Variants in ARHGAP26 observed in about 807,000 individuals in gnomAD.
The protein encoded by ARHGAP26 is rho GTPase-activating protein 26.
Under a neutral mutation model 104.8 loss-of-function variants are expected in ARHGAP26, and 38 were observed. The ratio of observed to expected loss-of-function variants is 0.36; its 90% confidence interval spans 0.28 to 0.48. The LOEUF (loss-of-function observed/expected upper bound fraction) is 0.48, where lower values mean the gene tolerates loss of function less well. Among genes scored for constraint, ARHGAP26 ranks in the 20% least tolerant of loss-of-function variants. The pLI is 0.99. For synonymous variants in ARHGAP26, 341 were observed against 340.0 expected (o/e 1.00, Z -0.03); for missense variants, 704 against 947.9 (o/e 0.74, Z 3.38).
At chr5:143,051,251 G>A (rs977523694) in intron 14 of ARHGAP26, among the ~76,000 whole-genome samples, 5 of 152,060 alleles carry the variant, frequency 3.3e-5, no homozygotes, top group Non-Finnish European at 2.9e-5. Flanking sequence ...ATGGCCCTTG[G>A]GACTGATCCA....
At chr5:142,828,726 A>G (rs1040833502) in intron 1 of ARHGAP26, among the ~76,000 whole-genome samples, 3 of 152,120 alleles carry the variant, frequency 2.0e-5, no homozygotes, top group African/African-American at 4.8e-5. Flanking sequence ...AGGGCTTGTC[A>G]TGTAGGGGAT....
chr5:142,845,092 A>G (rs1039570725), intron 1 of ARHGAP26, among the ~76,000 whole-genome samples: 3 of 152,182 alleles, frequency 2.0e-5, no homozygotes, highest in African/African-American at 7.2e-5. Flanking sequence ...CACCAGGAAT[A>G]TCCTGAGGAG....
intron 1 of ARHGAP26, among the ~76,000 whole-genome samples, chr5:142,813,505 A>G (rs1232893825): frequency 1.3e-5 from 2 of 152,204 alleles, no homozygotes; most frequent in Non-Finnish European, 2.9e-5. Flanking sequence ...TTCTAGGGCT[A>G]CCATAACAAG....
chr5:142,834,127 A>G (rs1769078164), intron 1 of ARHGAP26, among the ~76,000 whole-genome samples: 1 of 152,244 alleles, frequency 6.6e-6, no homozygotes, highest in African/African-American at 2.4e-5. Context: ...TTTCTCAAAG[A>G]GATTTGCCAA....
chr5:143,186,198 G>A (rs1181368737), intron 20 of ARHGAP26, among the ~76,000 whole-genome samples: 1 of 152,192 alleles, frequency 6.6e-6, no homozygotes, highest in African/African-American at 2.4e-5. Flanking sequence ...ATATCACCTT[G>A]TAGAGTATTA....
Position 142,889,878 on chromosome 5 carries a change from G to A in ARHGAP26, c.487-4360G>A, listed in dbSNP as rs984730916. 2.0e-5 allele frequency among the ~76,000 whole-genome samples: 3 copies of A among 151,082 alleles called. No homozygotes were observed. The East Asian group carries it at 5.9e-4, about 30-fold the overall frequency. On this transcript the variant is annotated intron_variant, in intron 5 of 22. Coordinates refer to ENST00000645722, the MANE Select transcript of ARHGAP26 (RefSeq NM_001135608.3). ...GGCCTGGCGCGGTGGCTCATGCCTG[G>A]AATCTCAGCACTTTGGGAGGCTGAG...
Position 143,224,471 on chromosome 5 carries a change from G to A in ARHGAP26, c.*2025G>A, listed in dbSNP as rs762421191. On this transcript the variant is annotated 3_prime_UTR_variant, in exon 23 of 23. Coordinates refer to ENST00000645722, the MANE Select transcript of ARHGAP26 (RefSeq NM_001135608.3). ...TTTTTCAAAGAATGCCTACTTAGTA[G>A]TAAGATGAAGCTCAGGATTTAAATA... 1 of 229,122 alleles carries A rather than the reference G, an allele frequency of 4.4e-6. No homozygotes were observed. The highest frequency in any genetic ancestry group is 8.7e-6 in the Non-Finnish European group (1 of 115,566). The allele number at this position is 229,122 out of a possible 1,614,324, so 14.2% of individuals were successfully genotyped here. A position where few individuals can be genotyped will look rare whatever the true frequency, so the allele number is the denominator to read the frequency against.
intron 17 of ARHGAP26, among the ~76,000 whole-genome samples, chr5:143,059,595 C>T (rs1279292001): frequency 6.6e-6 from 1 of 152,184 alleles, no homozygotes; most frequent in Non-Finnish European, 1.5e-5. Context: ...TCAGTCCATC[C>T]TTGTTACTAA....
intron 11 of ARHGAP26, among the ~76,000 whole-genome samples, chr5:142,954,295 T>C (rs913488374): frequency 6.6e-6 from 1 of 152,234 alleles, no homozygotes; most frequent in Non-Finnish European, 1.5e-5. Context: ...TATGCTTGCT[T>C]TCTCTGCTCC....
intron 10 of ARHGAP26, among the ~76,000 whole-genome samples, chr5:142,918,392 C>T (rs1465168071): frequency 2.0e-5 from 3 of 152,232 alleles, no homozygotes; most frequent in African/African-American, 4.8e-5. Flanking sequence ...GGTGATCCGC[C>T]TGCCTCGGCC....
At chr5:142,945,365 C>A (rs1257582456) in intron 11 of ARHGAP26, among the ~76,000 whole-genome samples, 1 of 152,212 alleles carries the variant, frequency 6.6e-6, no homozygotes, top group African/African-American at 2.4e-5. Flanking sequence ...TCTGTTCTGC[C>A]TGCTCTCTTT....
At chr5:143,003,806 T>C (rs1412748864) in intron 11 of ARHGAP26, among the ~76,000 whole-genome samples, 1 of 152,126 alleles carries the variant, frequency 6.6e-6, no homozygotes, top group African/African-American at 2.4e-5. Flanking sequence ...TACTTTGCAA[T>C]GAGAAAGCAG....
intron 1 of ARHGAP26, among the ~76,000 whole-genome samples, chr5:142,812,333 A>G (rs977597621): frequency 6.6e-6 from 1 of 150,528 alleles, no homozygotes; most frequent in African/African-American, 2.4e-5. Context: ...GGCTCACTGC[A>G]TCCTTAAACT....
At chr5:142,927,242 G>A (rs1764042111) in intron 10 of ARHGAP26, among the ~76,000 whole-genome samples, 2 of 151,588 alleles carry the variant, frequency 1.3e-5, no homozygotes, top group East Asian at 3.9e-4. Context: ...ACACAACTGT[G>A]TAACCACCCA....
At chr5:142,925,349 A>G (rs1216752441) in intron 10 of ARHGAP26, among the ~76,000 whole-genome samples, 4 of 152,246 alleles carry the variant, frequency 2.6e-5, no homozygotes, top group Non-Finnish European at 5.9e-5. Context: ...GAAAAAACCA[A>G]GAGCAACATA....
intron 13 of ARHGAP26, among the ~76,000 whole-genome samples, chr5:143,039,746 T>C (rs1425210341): frequency 6.6e-6 from 1 of 151,946 alleles, no homozygotes; most frequent in Non-Finnish European, 1.5e-5. Context: ...GTTCACAGAG[T>C]CTGTAGTAAA....
intron 11 of ARHGAP26, among the ~76,000 whole-genome samples, chr5:142,994,861 A>G (rs1464425956): frequency 1.3e-5 from 2 of 152,244 alleles, no homozygotes; most frequent in Non-Finnish European, 2.9e-5. Context: ...GGCACAGAGA[A>G]ATGTCACAAT....
At chr5:142,838,469 T>C (rs1205557186) in intron 1 of ARHGAP26, among the ~76,000 whole-genome samples, 1 of 152,234 alleles carries the variant, frequency 6.6e-6, no homozygotes, top group Non-Finnish European at 1.5e-5. Context: ...AATGCAGGTA[T>C]GAGGTCAGGT....
chr5:143,039,558 C>T (rs893535136), intron 13 of ARHGAP26, among the ~76,000 whole-genome samples: 3 of 150,980 alleles, frequency 2.0e-5, no homozygotes, highest in African/African-American at 4.9e-5. Flanking sequence ...AAGAAAAGAC[C>T]GAGAATAAAA....
Sources: allele counts gnomAD v4.1 joint callset (sites outside exome capture counted in the v4.1 genomes callset), GRCh38; gene constraint gnomAD v4.1.1; transcripts MANE v1.5; gene names NCBI Gene and HGNC (gene_info 2026-07-23, HGNC 2026-07-21).